SPATA13: variants seen among roughly 807,000 people sequenced by gnomAD.
SPATA13 encodes the protein spermatogenesis-associated protein 13.
In SPATA13, 50 loss-of-function variants were observed where a neutral mutation model predicts 104.0. The observed-to-expected ratio is 0.48, with a 90% CI of 0.38 to 0.61. The LOEUF (loss-of-function observed/expected upper bound fraction) is 0.61. Ranked by LOEUF, SPATA13 falls within the 20% of genes least tolerant of loss-of-function variation. The pLI is 0.00. For missense variants in SPATA13, 1,524 were observed against 1,690.6 expected (o/e 0.90, Z 1.73); for synonymous variants, 606 against 667.5 (o/e 0.91, Z 1.42).
chr13:24,282,244 A>C (rs1051773023), intron 4 of SPATA13, among the ~76,000 whole-genome samples: 1 of 152,280 alleles, frequency 6.6e-6, no homozygotes, highest in South Asian at 2.1e-4. Flanking sequence ...TGAACTGTGC[A>C]TAGAAAATGC....
At chr13:24,187,747 G>A (rs1438504983) in intron 1 of SPATA13, among the ~76,000 whole-genome samples, 1 of 152,158 alleles carries the variant, frequency 6.6e-6, no homozygotes, top group African/African-American at 2.4e-5. Context: ...AATAAATGTT[G>A]TATATGTTTT....
intron 3 of SPATA13, among the ~76,000 whole-genome samples, chr13:24,047,986 G>A (rs1199263912): frequency 6.6e-6 from 1 of 152,208 alleles, no homozygotes; most frequent in Non-Finnish European, 1.5e-5. Flanking sequence ...ACATCCCAGG[G>A]TAGGAGACAG....
intron 3 of SPATA13, among the ~76,000 whole-genome samples, chr13:24,075,090 T>C (rs983552817): frequency 3.7e-4 from 56 of 152,396 alleles, no homozygotes; most frequent in African/African-American, 1.3e-3. Flanking sequence ...CATACTTAAC[T>C]GAACATGGTA....
intron 2 of SPATA13, among the ~76,000 whole-genome samples, chr13:24,004,884 A>C (rs1401514723): frequency 6.6e-6 from 1 of 152,138 alleles, no homozygotes; most frequent in East Asian, 1.9e-4. Context: ...TCAAATTTGC[A>C]GTGAAAGCTT....
intron 10 of SPATA13, among the ~76,000 whole-genome samples, chr13:24,295,177 A>G (rs1483863997): frequency 1.3e-5 from 2 of 152,136 alleles, no homozygotes; most frequent in Non-Finnish European, 1.5e-5. Flanking sequence ...CAGCCACATA[A>G]CATAGTAGTA....
chr13:24,144,084 T>G (rs188835736), intron 3 of SPATA13, among the ~76,000 whole-genome samples: 157 of 152,262 alleles, frequency 1.0e-3, no homozygotes, highest in Non-Finnish European at 1.5e-3. Flanking sequence ...ATGAGCTGAA[T>G]GTGCACTAAC....
rs144562791 is a variant in SPATA13 at position 24,179,354 on chromosome 13, C to G, written c.-112+18422C>G. Among the ~76,000 whole-genome samples the G allele has an allele frequency of 4.3e-3, 660 of 152,274 alleles. 2 individuals carry two copies. Among genetic ancestry groups the G allele is most frequent in the African/African-American group, 0.015 (630 of 41,524 alleles). On this transcript the variant is annotated intron_variant, in intron 1 of 12. Coordinates refer to ENST00000382108, the MANE Select transcript of SPATA13 (RefSeq NM_001166271.3). ...TTGAAATTTTGGAAGAATTGCCAGA[C>G]TATTTCTCAAGCAGGCATGCACCAT...
At chr13:24,095,648 G>A (rs1880050702) in intron 3 of SPATA13, among the ~76,000 whole-genome samples, 1 of 152,058 alleles carries the variant, frequency 6.6e-6, no homozygotes, top group African/African-American at 2.4e-5. Context: ...AATGAGACTG[G>A]GTATTGAATG....
intron 2 of SPATA13, among the ~76,000 whole-genome samples, chr13:23,994,429 G>GT (rs1875576906): frequency 6.6e-6 from 1 of 152,198 alleles, no homozygotes; most frequent in South Asian, 2.1e-4. Flanking sequence ...GGAGGATGAG[G>GT]TATCATCCTT....
At chr13:24,232,135 G>A (rs1221139623) in intron 2 of SPATA13, among the ~76,000 whole-genome samples, 1 of 152,232 alleles carries the variant, frequency 6.6e-6, no homozygotes, top group Non-Finnish European at 1.5e-5. Flanking sequence ...GGAGAACCAG[G>A]AAGCCAGATG....
chr13:24,296,626 A>G (rs1876802755), intron 10 of SPATA13, among the ~76,000 whole-genome samples: 1 of 152,174 alleles, frequency 6.6e-6, no homozygotes, highest in African/African-American at 2.4e-5. Flanking sequence ...TGTCCCCTGC[A>G]TGAATGCTTT....
In SPATA13 at chr13:24,305,836, T is replaced by C. The variant is rs958546244; in HGVS notation, c.*3063T>C. 8.5e-5 allele frequency: 13 copies of C among 152,202 alleles called. No individual in the cohort carries two copies. The highest frequency in any genetic ancestry group is 3.1e-4 in the African/African-American group (13 of 41,444). 9.4% of individuals were successfully genotyped at this position (152,202 alleles called of 1,614,324 possible). On this transcript the variant is annotated 3_prime_UTR_variant, in exon 13 of 13. Transcript: ENST00000382108. ...AAAGCAACCTTTTCAATTGTGATCA[T>C]ACCTAAAACATATAAAAACCCTGCC...
At position 24,286,831 on chromosome 13, in the gene SPATA13, G is replaced by C. The variant is rs1402243140; in HGVS notation, c.2548G>C (p.Glu850Gln). 6.2e-7 allele frequency: 1 copy of C among 1,613,676 alleles called. No homozygotes were observed. The highest frequency in any genetic ancestry group is 1.1e-5 in the South Asian group (1 of 91,056). Reference sequence around the variant, plus strand: ...CACCCCCAGTGAGGAGCAGGACGAGGAGGCCAGCCAGAGCCGCCACAGACA... The same window carrying C: ...CACCCCCAGTGAGGAGCAGGACGAGCAGGCCAGCCAGAGCCGCCACAGACA... ...SSTPSEEQDE[E>Q]ASQSRHRHCE... The change falls in exon 7 of 13, where the codon GAG becomes CAG. Residue 850 changes from glutamate (E) to glutamine (Q), a missense_variant. Coordinates refer to ENST00000382108, the MANE Select transcript of SPATA13 (RefSeq NM_001166271.3). This position sits in a 1 kb window ranked among gnomAD's most constrained non-coding sequence, Gnocchi z 4.9.
At chr13:24,246,503 CAT>C (rs1873139408) in intron 2 of SPATA13, among the ~76,000 whole-genome samples, 2 of 152,096 alleles carry the variant, frequency 1.3e-5, no homozygotes, top group South Asian at 4.1e-4. Flanking sequence ...AAAGAAAAGA[CAT>C]GTTTATTCAC....
At chr13:24,208,391 T>C (rs1160018912) in intron 1 of SPATA13, among the ~76,000 whole-genome samples, 1 of 152,244 alleles carries the variant, frequency 6.6e-6, no homozygotes, top group Non-Finnish European at 1.5e-5. Context: ...AGAATATAGA[T>C]TGTGCCTGAG....
intron 3 of SPATA13, among the ~76,000 whole-genome samples, chr13:24,056,848 T>C (rs1483023339): frequency 1.3e-5 from 2 of 151,744 alleles, no homozygotes; most frequent in Non-Finnish European, 2.9e-5. Flanking sequence ...CACATCGTCC[T>C]GCACATAAAA....
At position 24,249,710 on chromosome 13, in the gene SPATA13, C is replaced by G; in HGVS notation, c.1887C>G (p.Ala629=). 6.2e-7 allele frequency: 1 copy of G among 1,614,266 alleles called. No individual in the cohort carries two copies. The highest frequency in any genetic ancestry group is 1.1e-5 in the South Asian group (1 of 91,088). Residue 629 remains alanine, a synonymous_variant, in exon 3 of 13, where the codon GCC becomes GCG. Transcript: ENST00000382108. ...ACCCCCAGGCAAGCATGACTTCTGC[C>G]AGCCCTGAAGACCAGAATGCTCCAG... ...DEDPQASMTS[A]SPEDQNAPVG...
At chr13:24,024,107 AGTGT>A (rs1877098433) in intron 3 of SPATA13, among the ~76,000 whole-genome samples, 1 of 152,158 alleles carries the variant, frequency 6.6e-6, no homozygotes, top group Non-Finnish European at 1.5e-5. Context: ...TGCGGAGGTC[AGTGT>A]GTCAGAGTTG....
intron 4 of SPATA13, among the ~76,000 whole-genome samples, chr13:24,254,645 C>T (rs1013116603): frequency 2.6e-5 from 4 of 152,136 alleles, no homozygotes; most frequent in African/African-American, 9.7e-5. Flanking sequence ...GGACAAATCA[C>T]CACCCCCTCT....
Sources: gnomAD v4.1 joint callset for allele counts (sites outside exome capture counted in the v4.1 genomes callset) on GRCh38, gnomAD v4.1.1 for gene constraint, Gnocchi (gnomAD v3.1) non-coding constraint, MANE v1.5 for transcripts, NCBI Gene and HGNC (gene_info 2026-07-23, HGNC 2026-07-21) for gene names.